The following CLEC16A variants were observed in gnomAD, a reference collection of about 807,000 sequenced individuals.
CLEC16A encodes the protein protein CLEC16A.
CLEC16A carries 51 observed loss-of-function variants against 109.5 expected under a neutral mutation model. That is an observed-to-expected ratio of 0.47 (90% CI 0.37 to 0.59). The LOEUF (loss-of-function observed/expected upper bound fraction) is 0.59, where lower values mean the gene tolerates loss of function less well. Ranked by LOEUF, CLEC16A falls within the 20% of genes least tolerant of loss-of-function variation. The pLI is 0.00. For synonymous variants in CLEC16A, 673 were observed against 564.2 expected (o/e 1.19, Z -2.73); for missense variants, 1,339 against 1,394.0 (o/e 0.96, Z 0.63).
intron 3 of CLEC16A, among the ~76,000 whole-genome samples, chr16:10,963,660 G>A (rs1230019996): frequency 6.6e-6 from 1 of 152,168 alleles, no homozygotes; most frequent in African/African-American, 2.4e-5. Flanking sequence ...CTAAGCCTCA[G>A]TTTCGTCATC....
At chr16:11,024,676 CT>C in intron 12 of CLEC16A, 144 bp from the exon 13 acceptor site, 1 of 604,224 alleles carries the variant, frequency 1.7e-6, no homozygotes, top group Non-Finnish European at 3.0e-6. Flanking sequence ...TGTCTGTGTC[CT>C]CAGTGCGTGG....
chr16:11,024,678 CAG>C, intron 12 of CLEC16A, 141 bp from the exon 13 acceptor site: 1 of 606,686 alleles, frequency 1.6e-6, no homozygotes, highest in Non-Finnish European at 3.0e-6. Context: ...TCTGTGTCCT[CAG>C]TGCGTGGTGC....
At position 10,982,763 on chromosome 16, in the gene CLEC16A, T is replaced by G. The variant is rs867710316; in HGVS notation, c.958-115T>G. The G allele has an allele frequency of 4.8e-6, 3 of 622,508 alleles. No individual in the cohort carries two copies. In the Middle Eastern group the frequency reaches 7.9e-4, roughly 164 times the overall value. 38.6% of individuals were successfully genotyped at this position (622,508 alleles called of 1,614,324 possible). A position where few individuals can be genotyped will look rare whatever the true frequency, so the allele number is the denominator to read the frequency against. ...TTCTTTGAATTTTGCATCGTAGGAA[T>G]TGCTGCTTAATACAGGACTTAGGTA... On this transcript the variant is annotated intron_variant, in intron 9 of 23. Coordinates refer to ENST00000409790, the MANE Select transcript of CLEC16A (RefSeq NM_015226.3).
At chr16:11,082,849 T>C (rs2049803661) in intron 19 of CLEC16A, among the ~76,000 whole-genome samples, 1 of 152,176 alleles carries the variant, frequency 6.6e-6, no homozygotes, top group Admixed American at 6.5e-5. Context: ...CGTGGGGTTA[T>C]ATTCAGCACT....
intron 16 of CLEC16A, among the ~76,000 whole-genome samples, chr16:11,045,241 G>A (rs1186579878): frequency 3.3e-5 from 5 of 152,138 alleles, no homozygotes; most frequent in Admixed American, 6.6e-5. Context: ...CCAGCTCCTC[G>A]GGAGGCTGAG....
intron 19 of CLEC16A, among the ~76,000 whole-genome samples, chr16:11,063,559 G>A (rs985635092): frequency 2.0e-5 from 3 of 152,118 alleles, no homozygotes; most frequent in Admixed American, 6.5e-5. Flanking sequence ...GCTTAAAGGA[G>A]TGCTGTCTCC....
chr16:11,103,223 C>A (rs1236611453), intron 19 of CLEC16A, among the ~76,000 whole-genome samples: 1 of 152,194 alleles, frequency 6.6e-6, no homozygotes, highest in African/African-American at 2.4e-5. Context: ...CCAGAGAGGC[C>A]CAGTGGCGCT....
intron 12 of CLEC16A, among the ~76,000 whole-genome samples, chr16:11,022,769 A>G (rs1489782921): frequency 6.6e-6 from 1 of 151,578 alleles, no homozygotes; most frequent in Admixed American, 6.6e-5. Context: ...CGTGGTGGCG[A>G]GCGCTTGTGG....
At chr16:11,175,454 T>C (rs540113201) in intron 23 of CLEC16A, among the ~76,000 whole-genome samples, 1 of 152,348 alleles carries the variant, frequency 6.6e-6, no homozygotes, top group African/African-American at 2.4e-5. Context: ...AAGCCAAGGC[T>C]TCACCAGTAA....
chr16:11,106,577 CT>C (rs2051234961), intron 19 of CLEC16A, among the ~76,000 whole-genome samples: 1 of 151,592 alleles, frequency 6.6e-6, no homozygotes, highest in Non-Finnish European at 1.5e-5. Context: ...CCTCAAACTC[CT>C]GGCCTCAAGC....
At chr16:11,156,359 G>A (rs1478504013) in intron 22 of CLEC16A, among the ~76,000 whole-genome samples, 1 of 139,160 alleles carries the variant, frequency 7.2e-6, no homozygotes, top group African/African-American at 2.7e-5. Context: ...GACAGAGTGA[G>A]ACTCCATCTC....
chr16:11,002,973 G>T, intron 10 of CLEC16A, 101 bp from the exon 11 acceptor site: 1 of 844,240 alleles, frequency 1.2e-6, no homozygotes, highest in Non-Finnish European at 1.8e-6. Flanking sequence ...GGTTTCTTTT[G>T]GAGATGAGTT....
chr16:11,152,572 G>A (rs1412026863), intron 22 of CLEC16A, among the ~76,000 whole-genome samples: 1 of 152,236 alleles, frequency 6.6e-6, no homozygotes, highest in Non-Finnish European at 1.5e-5. Flanking sequence ...CCCCTCTGTT[G>A]TCTAGAAGCT....
chr16:11,071,808 C>T (rs2049089995), intron 19 of CLEC16A, among the ~76,000 whole-genome samples: 1 of 137,852 alleles, frequency 7.3e-6, no homozygotes, highest in Non-Finnish European at 1.5e-5. Flanking sequence ...GTTGCCCAGG[C>T]TGGTCTTGAA....
At chr16:10,959,014 G>GGTGTGTGTGTGTGTGTGTGTGT (rs59658260) in intron 2 of CLEC16A, among the ~76,000 whole-genome samples, 1 of 146,190 alleles carries the variant, frequency 6.8e-6, no homozygotes, top group African/African-American at 2.5e-5. Flanking sequence ...ACTAAACACG[G>GGTGTGTGTGTGTGTGTGTGTGT]GTGTGTGTGT....
intron 18 of CLEC16A, among the ~76,000 whole-genome samples, chr16:11,052,420 C>G (rs149827226): frequency 5.9e-5 from 9 of 152,194 alleles, no homozygotes; most frequent in African/African-American, 1.7e-4. Flanking sequence ...TTTTGCAAAA[C>G]AGGAATGACC....
chr16:11,073,571 G>T (rs542599311), intron 19 of CLEC16A, among the ~76,000 whole-genome samples: 1 of 152,048 alleles, frequency 6.6e-6, no homozygotes, highest in African/African-American at 2.4e-5. Context: ...GCAGTGCAGC[G>T]GCCCAAGCTA....
intron 18 of CLEC16A, among the ~76,000 whole-genome samples, chr16:11,056,079 G>C (rs2048198309): frequency 6.6e-6 from 1 of 152,234 alleles, no homozygotes; most frequent in African/African-American, 2.4e-5. Context: ...TGAAATGAAG[G>C]TCACTGGAGC....
intron 1 of CLEC16A, among the ~76,000 whole-genome samples, chr16:10,946,998 C>T (rs2041418206): frequency 6.6e-6 from 1 of 152,218 alleles, no homozygotes; most frequent in Non-Finnish European, 1.5e-5. Flanking sequence ...TGAGTCTCAT[C>T]GCCAATGGGG....
Sources: allele counts gnomAD v4.1 joint callset (sites outside exome capture counted in the v4.1 genomes callset), GRCh38; gene constraint gnomAD v4.1.1; transcripts MANE v1.5; gene names NCBI Gene and HGNC (gene_info 2026-07-23, HGNC 2026-07-21).